The following SYT1 variants were observed in gnomAD, a reference collection of about 807,000 sequenced individuals.
SYT1 encodes synaptotagmin 1.
Under a neutral mutation model 44.8 loss-of-function variants are expected in SYT1, and 8 were observed. That is an observed-to-expected ratio of 0.18 (90% CI 0.10 to 0.32). The LOEUF is 0.32. SYT1 is among the 10% of genes least tolerant of loss of function. The probability of loss-of-function intolerance (pLI) is 1.00; values close to 1 mark genes in which losing one functional copy is unlikely to be tolerated. For missense variants in SYT1, 286 were observed against 509.3 expected, an observed-to-expected ratio of 0.56 and a Z score of 4.22; for synonymous variants, 154 against 188.8, an observed-to-expected ratio of 0.82 and a Z score of 1.51.
intron 1 of SYT1, among the ~76,000 whole-genome samples, chr12:78,905,413 T>G (rs1335522344): frequency 6.6e-6 from 1 of 152,130 alleles, no homozygotes; most frequent in Non-Finnish European, 1.5e-5. Context: ...CTAACTTGTA[T>G]GTTGACAGTG....
At chr12:79,360,246 T>C (rs1883268732) in intron 9 of SYT1, among the ~76,000 whole-genome samples, 1 of 152,182 alleles carries the variant, frequency 6.6e-6, no homozygotes, top group Non-Finnish European at 1.5e-5. Flanking sequence ...CTTTATATAA[T>C]GGAATTTCCT....
At chr12:78,955,954 G>A (rs1879193029) in intron 1 of SYT1, among the ~76,000 whole-genome samples, 1 of 151,812 alleles carries the variant, frequency 6.6e-6, no homozygotes, top group African/African-American at 2.4e-5. Flanking sequence ...ATTTTTCTTT[G>A]GCTGAAAATA....
At chr12:79,002,098 C>A (rs1299177944) in intron 2 of SYT1, among the ~76,000 whole-genome samples, 1 of 151,886 alleles carries the variant, frequency 6.6e-6, no homozygotes, top group Non-Finnish European at 1.5e-5. Context: ...GTTTATAGGT[C>A]CCTTTTATAA....
intron 9 of SYT1, among the ~76,000 whole-genome samples, chr12:79,431,508 A>T (rs1869774162): frequency 2.1e-5 from 3 of 141,722 alleles, no homozygotes; most frequent in Non-Finnish European, 4.5e-5. Flanking sequence ...ATTTTATTTT[A>T]TTTTATTATT....
At chr12:78,876,183 A>T (rs1056106876) in intron 1 of SYT1, among the ~76,000 whole-genome samples, 1 of 151,618 alleles carries the variant, frequency 6.6e-6, no homozygotes, top group African/African-American at 2.4e-5. Context: ...TAGACAACAC[A>T]GTTCTTGTAG....
rs1056206019 is a variant in SYT1, at chr12:79,032,672, A to G, written c.-83-14625A>G. 4.0e-5 allele frequency among the ~76,000 whole-genome samples: 6 copies of G among 151,356 alleles called. No homozygotes were observed. The South Asian group carries it at 1.2e-3, about 31-fold the overall frequency. ...TAGTAAAATTAAAAATCCACATGTG[A>G]TAGATGGTGTTACAAGATTCCAGTA... On this transcript the variant is annotated intron_variant, in intron 2 of 10. Coordinates refer to ENST00000261205, the MANE Select transcript of SYT1 (RefSeq NM_005639.3).
At chr12:78,997,084 T>A (rs1363765458) in intron 2 of SYT1, among the ~76,000 whole-genome samples, 2 of 152,204 alleles carry the variant, frequency 1.3e-5, no homozygotes, top group East Asian at 3.8e-4. Flanking sequence ...GGAAGTCTCT[T>A]AGAGGCCCAA....
chr12:79,201,188 T>C (rs535994752), intron 3 of SYT1, among the ~76,000 whole-genome samples: 66 of 152,236 alleles, frequency 4.3e-4, no homozygotes, highest in African/African-American at 1.6e-3. Context: ...TTTTTGGAAG[T>C]TGGGGCTTGT....
At chr12:79,090,451 T>C (rs1453696226) in intron 3 of SYT1, among the ~76,000 whole-genome samples, 1 of 151,938 alleles carries the variant, frequency 6.6e-6, no homozygotes, top group African/African-American at 2.4e-5. Context: ...TCTCACACTT[T>C]CCTGTTTTGC....
chr12:79,179,361 G>GATATATCGATATATCTATATCC (rs1555204847), intron 3 of SYT1, among the ~76,000 whole-genome samples: 1 of 2,302 alleles, frequency 4.3e-4, no homozygotes, highest in African/African-American at 1.8e-3. Flanking sequence ...TATCGATATA[G>GATATATCGATATATCTATATCC]ATATAGATAT....
intron 3 of SYT1, among the ~76,000 whole-genome samples, chr12:79,131,317 A>G (rs1337854378): frequency 1.3e-5 from 2 of 152,110 alleles, no homozygotes; most frequent in African/African-American, 2.4e-5. Context: ...GTCTAACTCT[A>G]AATTCTTAAA....
intron 3 of SYT1, among the ~76,000 whole-genome samples, chr12:79,162,865 G>C (rs1871033046): frequency 6.6e-6 from 1 of 151,998 alleles, no homozygotes; most frequent in Non-Finnish European, 1.5e-5. Flanking sequence ...CATTATTCTA[G>C]ATTTCAGGCA....
At chr12:78,905,256 GAA>G in intron 1 of SYT1, among the ~76,000 whole-genome samples, 1 of 152,238 alleles carries the variant, frequency 6.6e-6, no homozygotes, top group Non-Finnish European at 1.5e-5. Context: ...CTTCTTAGTA[GAA>G]GTACAGAAAT....
intron 9 of SYT1, among the ~76,000 whole-genome samples, chr12:79,432,867 C>T (rs1455643126): frequency 1.3e-5 from 2 of 152,220 alleles, no homozygotes; most frequent in African/African-American, 4.8e-5. Flanking sequence ...CCATCTCGGC[C>T]TCCCAAAGTG....
chr12:79,309,227 T>C (rs1252909607), intron 8 of SYT1, among the ~76,000 whole-genome samples: 2 of 152,178 alleles, frequency 1.3e-5, no homozygotes, highest in African/African-American at 2.4e-5. Context: ...AACATTTTTG[T>C]AGGTTCTTTG....
At chr12:79,167,428 T>C (rs1017837326) in intron 3 of SYT1, among the ~76,000 whole-genome samples, 4 of 151,976 alleles carry the variant, frequency 2.6e-5, no homozygotes, top group South Asian at 2.1e-4. Flanking sequence ...TTGTGTGTGC[T>C]TGTGTGTAGT....
intron 8 of SYT1, among the ~76,000 whole-genome samples, chr12:79,339,989 G>T (rs573597439): frequency 1.7e-4 from 26 of 152,116 alleles, no homozygotes; most frequent in Non-Finnish European, 3.8e-4. Context: ...GTAGATGTGT[G>T]GTGTTATTTC....
At chr12:79,181,324 T>C (rs1169754756) in intron 3 of SYT1, among the ~76,000 whole-genome samples, 1 of 152,060 alleles carries the variant, frequency 6.6e-6, no homozygotes, top group Non-Finnish European at 1.5e-5. Flanking sequence ...AACAAAGTCA[T>C]TCATAACATA....
chr12:79,202,667 T>C (rs76183681), intron 3 of SYT1, among the ~76,000 whole-genome samples: 2,261 of 152,254 alleles, frequency 0.015, 40 homozygotes, highest in African/African-American at 0.045. Flanking sequence ...GATTTATTTG[T>C]AGAGTACTCC....
Sources: gnomAD v4.1 joint callset for allele counts (sites outside exome capture counted in the v4.1 genomes callset) on GRCh38, gnomAD v4.1.1 for gene constraint, MANE v1.5 for transcripts, NCBI Gene and HGNC (gene_info 2026-07-23, HGNC 2026-07-21) for gene names.